The following FARP1 variants were observed in gnomAD, a reference collection of about 807,000 sequenced individuals.
The protein encoded by FARP1 is FERM, ARH/RhoGEF and pleckstrin domain protein 1.
In FARP1, 52 loss-of-function variants were observed where a neutral mutation model predicts 128.8. The observed-to-expected ratio is 0.40, with a 90% confidence interval of 0.32 to 0.51. The LOEUF (loss-of-function observed/expected upper bound fraction) is 0.51, where lower values mean the gene tolerates loss of function less well. Among genes scored for constraint, FARP1 ranks in the 20% least tolerant of loss-of-function variants. The pLI is 0.45. For synonymous variants in FARP1, 580 were observed against 551.8 expected, an observed-to-expected ratio of 1.05 and a Z score of -0.72; for missense variants, 1,333 against 1,367.9, an observed-to-expected ratio of 0.97 and a Z score of 0.40.
At chr13:98,219,454 G>C (rs1179012913) in intron 2 of FARP1, among the ~76,000 whole-genome samples, 2 of 150,822 alleles carry the variant, frequency 1.3e-5, no homozygotes, top group Admixed American at 6.6e-5. Context: ...TCCTGCCTTA[G>C]CCTCCCTAGT....
chr13:98,198,325 G>T (rs184866082), intron 1 of FARP1, among the ~76,000 whole-genome samples: 12 of 152,254 alleles, frequency 7.9e-5, no homozygotes, highest in African/African-American at 2.9e-4. Context: ...TCTCAACATA[G>T]CCCAAAACTG....
intron 2 of FARP1, among the ~76,000 whole-genome samples, chr13:98,316,502 A>G (rs1221974669): frequency 2.0e-5 from 3 of 152,174 alleles, no homozygotes; most frequent in Admixed American, 6.5e-5. Context: ...CACCCTGCAG[A>G]CACAGGACCC....
intron 1 of FARP1, among the ~76,000 whole-genome samples, chr13:98,144,956 T>G (rs1875411122): frequency 6.6e-6 from 1 of 152,220 alleles, no homozygotes; most frequent in South Asian, 2.1e-4. Context: ...AGCTAGCACA[T>G]GGCTCACTTT....
At chr13:98,394,440 G>C (rs979830430) in intron 12 of FARP1, among the ~76,000 whole-genome samples, 9 of 152,312 alleles carry the variant, frequency 5.9e-5, no homozygotes, top group African/African-American at 2.2e-4. Flanking sequence ...TCCCTGATGT[G>C]CCTGCCCATC....
intron 2 of FARP1, among the ~76,000 whole-genome samples, chr13:98,247,434 C>T (rs778332005): frequency 2.6e-5 from 4 of 152,160 alleles, no homozygotes; most frequent in Non-Finnish European, 4.4e-5. Context: ...ATGACCAGGC[C>T]GGGTCACTAA....
chr13:98,316,388 T>A (rs1458738206), intron 2 of FARP1, among the ~76,000 whole-genome samples: 1 of 152,212 alleles, frequency 6.6e-6, no homozygotes, highest in Non-Finnish European at 1.5e-5. Flanking sequence ...AGTTCTTGGA[T>A]CATCCCAAAT....
intron 5 of FARP1, among the ~76,000 whole-genome samples, chr13:98,371,381 T>C (rs779524768): frequency 5.3e-5 from 8 of 152,094 alleles, no homozygotes; most frequent in Non-Finnish European, 1.0e-4. Flanking sequence ...CCTGGTACAT[T>C]GCCAGCTCCT....
chr13:98,428,945 C>A (rs578163251), intron 17 of FARP1, among the ~76,000 whole-genome samples: 1 of 152,176 alleles, frequency 6.6e-6, no homozygotes, highest in African/African-American at 2.4e-5. Context: ...CATGCAAGAG[C>A]GTGTATAACT....
At chr13:98,296,561 T>A (rs1404747532) in intron 2 of FARP1, among the ~76,000 whole-genome samples, 1 of 152,128 alleles carries the variant, frequency 6.6e-6, no homozygotes, top group Admixed American at 6.5e-5. Flanking sequence ...CAGGAGATGT[T>A]CAGGAAGCCT....
chr13:98,356,448 C>T (rs935406399), intron 3 of FARP1, among the ~76,000 whole-genome samples: 34 of 152,070 alleles, frequency 2.2e-4, no homozygotes, highest in African/African-American at 7.5e-4. Context: ...ACGTATTATG[C>T]GCCTGTTCTT....
In FARP1 at chr13:98,372,081, C is replaced by CTTTTTTTTTT. The variant is rs56838920; in HGVS notation, c.398+3899_398+3908dup. Among the ~76,000 whole-genome samples, 14 of 92,336 alleles carry CTTTTTTTTTT rather than the reference C, an allele frequency of 1.5e-4. 1 individual carries two copies. Among genetic ancestry groups the CTTTTTTTTTT allele is most frequent in the Non-Finnish European group, 2.0e-4 (10 of 49,738 alleles). 60.6% of individuals were successfully genotyped at this position (92,336 alleles called of 152,430 possible). ...TTTGGAAAAGATGATCCCAGTTTTT[C>CTTTTTTTTTT]TTTTTTTTTTTTTTTTTTTTTTGGC... is the stretch of plus-strand genomic sequence containing the variant. On this transcript the variant is annotated intron_variant, in intron 5 of 26. Transcript: ENST00000319562.
chr13:98,179,733 T>C (rs1594238181), intron 1 of FARP1, among the ~76,000 whole-genome samples: 3 of 152,102 alleles, frequency 2.0e-5, no homozygotes, highest in African/African-American at 7.2e-5. Flanking sequence ...GGCGGGTGCC[T>C]GTAGCCCCAG....
chr13:98,246,717 A>G (rs1883088872), intron 2 of FARP1, among the ~76,000 whole-genome samples: 1 of 152,206 alleles, frequency 6.6e-6, no homozygotes, highest in African/African-American at 2.4e-5. Flanking sequence ...TTAACCAGGT[A>G]CTTACACCAC....
At chr13:98,235,804 G>A (rs1459641557) in intron 2 of FARP1, among the ~76,000 whole-genome samples, 11 of 148,060 alleles carry the variant, frequency 7.4e-5, no homozygotes, top group East Asian at 2.0e-4. Context: ...TTCATAAACC[G>A]TACAATTCAC....
At chr13:98,262,121 T>C (rs1436228478) in intron 2 of FARP1, among the ~76,000 whole-genome samples, 1 of 150,572 alleles carries the variant, frequency 6.6e-6, no homozygotes, top group Non-Finnish European at 1.5e-5. Context: ...GGTCAAGTGA[T>C]TTTCCAGCTT....
chr13:98,143,261 G>A lies in FARP1; in HGVS notation c.-255G>A, dbSNP rs1270459532. 2 of 149,268 alleles carry A rather than the reference G, an allele frequency of 1.3e-5. No individual in the cohort carries two copies. The highest frequency in any genetic ancestry group is 2.4e-5 in the African/African-American group (1 of 41,074). The allele number at this position is 149,268 out of a possible 1,614,324, so 9.2% of individuals were successfully genotyped here. A position where few individuals can be genotyped will look rare whatever the true frequency, so the allele number is the denominator to read the frequency against. On this transcript the variant is annotated 5_prime_UTR_variant, in exon 1 of 27. Coordinates refer to ENST00000319562, the MANE Select transcript of FARP1 (RefSeq NM_005766.4). ...GTCGAGGCGGCCATGGCGACCCGGA[G>A]CCCGCTCCCCACCCACCCCGCCTGC...
intron 19 of FARP1, 25 bp downstream of exon 19, chr13:98,435,731 C>CAA (rs1892235820): frequency 6.2e-7 from 1 of 1,612,210 alleles, no homozygotes; most frequent in East Asian, 2.2e-5. Context: ...CCTCACTATG[C>CAA]ACTGCGCGGG....
chr13:98,384,960 C>T (rs1890042902), intron 7 of FARP1, 116 bp downstream of exon 7: 5 of 663,584 alleles, frequency 7.5e-6, no homozygotes, highest in South Asian at 1.8e-5. Context: ...CAACACAAAG[C>T]GTGAGGAAAG....
At chr13:98,304,168 G>T (rs1886037641) in intron 2 of FARP1, among the ~76,000 whole-genome samples, 1 of 152,070 alleles carries the variant, frequency 6.6e-6, no homozygotes, top group Admixed American at 6.6e-5. Context: ...GTATGACATA[G>T]TGGGGCCCGA....
Sources: gnomAD v4.1 joint callset for allele counts (sites outside exome capture counted in the v4.1 genomes callset) on GRCh38, gnomAD v4.1.1 for gene constraint, MANE v1.5 for transcripts, NCBI Gene and HGNC (gene_info 2026-07-23, HGNC 2026-07-21) for gene names.